The following AMPH variants were observed in gnomAD, a reference collection of about 807,000 sequenced individuals.
The protein encoded by AMPH is amphiphysin (Stiff-Mann syndrome with breast cancer 128kD autoantigen).
In AMPH, 49 loss-of-function variants were observed where a neutral mutation model predicts 99.1. The observed-to-expected ratio is 0.49, with a 90% CI of 0.39 to 0.63. The LOEUF (loss-of-function observed/expected upper bound fraction) is 0.63, where lower values mean the gene tolerates loss of function less well. Ranked by LOEUF, AMPH falls within the 20% of genes least tolerant of loss-of-function variation. AMPH has a pLI of 0.00. For missense variants in AMPH, 759 were observed against 863.4 expected, an observed-to-expected ratio of 0.88 and a Z score of 1.52; for synonymous variants, 314 against 317.3, an observed-to-expected ratio of 0.99 and a Z score of 0.11.
intron 1 of AMPH, among the ~76,000 whole-genome samples, chr7:38,601,209 T>C (rs1397987950): frequency 1.3e-5 from 2 of 152,178 alleles, no homozygotes; most frequent in Non-Finnish European, 2.9e-5. Context: ...CAAGGCCTCA[T>C]CCACAGCCAC....
At chr7:38,510,038 T>C (rs1426185373) in intron 2 of AMPH, among the ~76,000 whole-genome samples, 3 of 152,182 alleles carry the variant, frequency 2.0e-5, no homozygotes, top group African/African-American at 7.2e-5. Context: ...GCCAGAATGT[T>C]TCTGAAACTG....
At chr7:38,444,343 C>T (rs1786675691) in intron 11 of AMPH, among the ~76,000 whole-genome samples, 1 of 152,008 alleles carries the variant, frequency 6.6e-6, no homozygotes, top group African/African-American at 2.4e-5. Flanking sequence ...TAAGTGTGTC[C>T]TTAACTGACA....
chr7:38,445,749 C>A (rs549614477), intron 11 of AMPH, among the ~76,000 whole-genome samples: 2 of 152,126 alleles, frequency 1.3e-5, no homozygotes, highest in Non-Finnish European at 2.9e-5. Context: ...CTAACCGATA[C>A]GGTTTGGATT....
At chr7:38,625,219 A>T (rs1307939405) in intron 1 of AMPH, among the ~76,000 whole-genome samples, 1 of 152,186 alleles carries the variant, frequency 6.6e-6, no homozygotes, top group African/African-American at 2.4e-5. Flanking sequence ...TCTACAGAAA[A>T]ATCAGCCCAG....
At chr7:38,515,780 G>C (rs760622814) in intron 2 of AMPH, among the ~76,000 whole-genome samples, 2 of 152,240 alleles carry the variant, frequency 1.3e-5, no homozygotes, top group Admixed American at 1.3e-4. Flanking sequence ...TCATTAAATT[G>C]TTGTAACCAA....
At chr7:38,475,559 TG>T in intron 6 of AMPH, 143 bp from the exon 7 acceptor site, 1 of 597,036 alleles carries the variant, frequency 1.7e-6, no homozygotes, top group South Asian at 2.2e-5. Context: ...AGCATATCCT[TG>T]TTTTTCAATT....
chr7:38,429,890 C>A (rs1785938220), intron 13 of AMPH, 25 bp from the exon 14 acceptor site: 1 of 1,598,394 alleles, frequency 6.3e-7, no homozygotes, highest in East Asian at 2.2e-5. Flanking sequence ...AAAATAGTAA[C>A]AATAAGGCGA....
intron 4 of AMPH, 124 bp downstream of exon 4, chr7:38,494,309 C>T (rs570760836): frequency 1.2e-6 from 1 of 812,446 alleles, no homozygotes; most frequent in Non-Finnish European, 2.1e-6. Context: ...CAGAACTGCA[C>T]AGTGCCTTCT....
intron 1 of AMPH, among the ~76,000 whole-genome samples, chr7:38,569,828 A>G (rs1225277390): frequency 6.6e-6 from 1 of 152,176 alleles, no homozygotes; most frequent in East Asian, 1.9e-4. Context: ...CTTTTGAGAT[A>G]TTATGTATAT....
chr7:38,626,747 A>G (rs1794256794), intron 1 of AMPH, among the ~76,000 whole-genome samples: 1 of 152,116 alleles, frequency 6.6e-6, no homozygotes, highest in African/African-American at 2.4e-5. Context: ...CTATCATCAG[A>G]GTGGGAGAAA....
intron 11 of AMPH, among the ~76,000 whole-genome samples, chr7:38,459,132 C>T (rs1787345943): frequency 6.6e-6 from 1 of 151,916 alleles, no homozygotes; most frequent in Non-Finnish European, 1.5e-5. Flanking sequence ...TTTACAACAG[C>T]TACAACAAAA....
At chr7:38,623,625 T>C (rs1367927362) in intron 1 of AMPH, among the ~76,000 whole-genome samples, 2 of 152,220 alleles carry the variant, frequency 1.3e-5, no homozygotes, top group Non-Finnish European at 2.9e-5. Context: ...ATTTGGTCTC[T>C]GAAGTGTCCT....
In AMPH at chr7:38,432,174, T is replaced by C. The variant is rs1316742753; in HGVS notation, c.1158+15A>G. 11 of 1,609,904 alleles carry C rather than the reference T, an allele frequency of 6.8e-6. No individual in the cohort carries two copies. In the Admixed American group the frequency reaches 1.8e-4, roughly 27 times the overall value. On this transcript the variant is annotated intron_variant, in intron 13 of 20. Transcript: ENST00000356264. The stretch of plus-strand genomic sequence containing the variant: ...GATCAAGATACATGAAAAAACAGAG[T>C]TATTAGTGGCTTACCGTCCATAGGT...
chr7:38,439,506 A>G (rs1212507071), intron 11 of AMPH, among the ~76,000 whole-genome samples: 1 of 152,242 alleles, frequency 6.6e-6, no homozygotes, highest in Non-Finnish European at 1.5e-5. Context: ...TTAAAAGGGC[A>G]GGAACGTACT....
chr7:38,551,711 G>C (rs1175501065), intron 1 of AMPH, among the ~76,000 whole-genome samples: 1 of 152,172 alleles, frequency 6.6e-6, no homozygotes, highest in East Asian at 1.9e-4. Flanking sequence ...CCAAAGGGAT[G>C]CTAAGGAAAG....
intron 1 of AMPH, among the ~76,000 whole-genome samples, chr7:38,616,638 C>T (rs1469993756): frequency 6.6e-6 from 1 of 152,084 alleles, no homozygotes; most frequent in Non-Finnish European, 1.5e-5. Flanking sequence ...ATATTGTACA[C>T]TATAATATAA....
chr7:38,538,584 ACT>A (rs1790696626), intron 1 of AMPH, among the ~76,000 whole-genome samples: 1 of 152,196 alleles, frequency 6.6e-6, no homozygotes, highest in Non-Finnish European at 1.5e-5. Context: ...AGAGGTCTGC[ACT>A]CCTTGGTGAC....
At chr7:38,573,200 G>A (rs1365957098) in intron 1 of AMPH, among the ~76,000 whole-genome samples, 1 of 152,048 alleles carries the variant, frequency 6.6e-6, no homozygotes, top group Non-Finnish European at 1.5e-5. Flanking sequence ...GGCACTGCTC[G>A]GGCTTCCCAT....
At chr7:38,454,129 C>T (rs1192977475) in intron 11 of AMPH, among the ~76,000 whole-genome samples, 1 of 152,172 alleles carries the variant, frequency 6.6e-6, no homozygotes, top group Non-Finnish European at 1.5e-5. Flanking sequence ...TTATCAAACT[C>T]AGCATCTTAT....
Sources: gnomAD v4.1 joint callset for allele counts (sites outside exome capture counted in the v4.1 genomes callset) on GRCh38, gnomAD v4.1.1 for gene constraint, MANE v1.5 for transcripts, NCBI Gene and HGNC (gene_info 2026-07-23, HGNC 2026-07-21) for gene names.